The following ATG9B variants were observed in gnomAD, a reference collection of about 807,000 sequenced individuals.
ATG9B encodes the protein autophagy related 9B.
A neutral mutation model predicts 92.9 loss-of-function variants in ATG9B; 92 were observed. The observed-to-expected ratio is 0.99, with a 90% confidence interval of 0.84 to 1.18. The LOEUF (loss-of-function observed/expected upper bound fraction) is 1.18, where lower values mean the gene tolerates loss of function less well. Ranked by LOEUF, ATG9B falls within the 50% of genes most tolerant of loss-of-function variation. ATG9B has a pLI of 0.00. For missense variants in ATG9B, 1,344 were observed against 1,235.0 expected (o/e 1.09, Z -1.32); for synonymous variants, 599 against 551.4 (o/e 1.09, Z -1.21).
In ATG9B at chr7:151,021,315, G is replaced by A. The variant is rs756912700; in HGVS notation, c.836C>T (p.Pro279Leu). 107 of 1,609,516 alleles carry A rather than the reference G, an allele frequency of 6.6e-5. No individual in the cohort carries two copies. The highest frequency in any genetic ancestry group is 8.8e-5 in the Non-Finnish European group (104 of 1,177,672). Reference protein sequence around the residue: ...AQCAERIRSSPLLVLLLVLAA... With the variant: ...AQCAERIRSSLLLVLLLVLAA... ...CAGGACCAGGAGGAGGACCAGCAGC[G>A]GGCTGGAGCGGATCCTGTATGGGGT... The change falls in exon 5 of 14, where the codon CCG becomes CTG. Residue 279 changes from proline to leucine, a missense_variant. By Grantham distance (98) the Pro-to-Leu change is moderately conservative. Coordinates refer to ENST00000639579, the MANE Select transcript of ATG9B (RefSeq NM_001317056.2).
chr7:151,024,378 GC>G lies in ATG9B; in HGVS notation c.45del (p.Arg16GlyfsTer90). On this transcript the variant is annotated frameshift_variant, in exon 1 of 14. Transcript: ENST00000639579. LOFTEE classifies it high-confidence loss of function. ...GATCCGGGCCCCAGATCTCCCCACC[GC>G]CCCAGCCGCCTTCTTCTCCCCCCCC... ...MGWGGRRRRL[G>X]RWGDLGPGSV... 1 of 1,373,778 alleles carries G rather than the reference GC, an allele frequency of 7.3e-7. No homozygotes were observed. Among genetic ancestry groups the G allele is most frequent in the Admixed American group, 3.0e-5 (1 of 32,800 alleles). The allele number at this position is 1,373,778 out of a possible 1,614,324, so 85.1% of individuals were successfully genotyped here.
Position 151,023,792 on chromosome 7 carries a change from C to T in ATG9B, c.551-62G>A, listed in dbSNP as rs1795840607. The T allele has an allele frequency of 1.1e-5, 18 of 1,612,590 alleles. 1 individual carries two copies. The South Asian group carries it at 1.3e-4, about 12-fold the overall frequency. On this transcript the variant is annotated intron_variant, in intron 1 of 13. Transcript: ENST00000639579. ...TGATCAATTCTCCACGTTCTCAACC[C>T]GCTGCCAGAGGCCCAGCCTGGGATA...
In ATG9B at chr7:151,018,345, G is replaced by T. The variant is rs1326616364; in HGVS notation, c.1821C>A (p.Gly607=). 1 of 1,595,892 alleles carries T rather than the reference G, an allele frequency of 6.3e-7. No individual in the cohort carries two copies. The highest frequency in any genetic ancestry group is 1.3e-5 in the African/African-American group (1 of 74,384). The change falls in exon 7 of 14, where the codon GGC becomes GGA. Residue 607 remains glycine (G), a synonymous_variant. Transcript: ENST00000639579. This position sits in a 1 kb window ranked among gnomAD's most constrained non-coding sequence, Gnocchi z 4.7. ...MHYLPEEPGP[G]GRDRAYRQMA... Reference sequence around the variant, plus strand: ...TCTGCCGGTAGGCGCGGTCCCTGCCGCCGGGGCCGGGCTCCTCCGGGAGGT... The same window carrying T: ...TCTGCCGGTAGGCGCGGTCCCTGCCTCCGGGGCCGGGCTCCTCCGGGAGGT...
Position 151,018,758 on chromosome 7 carries a change from A to G in ATG9B, c.1580T>C (p.Leu527Pro). ...CGCGAAGAAAACGAGCTGGCGGGCC[A>G]GCAGCGTGCGCAGGGGCGCGGGGGG... Reference protein sequence around the residue: ...AAPPAPLRTLLARQLVFFAGA... With the variant: ...AAPPAPLRTLPARQLVFFAGA... The change falls in exon 6 of 14, where the codon CTG becomes CCG. Residue 527 changes from leucine to proline, a missense_variant. By Grantham distance (98) the Leu-to-Pro change is moderately conservative. Coordinates refer to ENST00000639579, the MANE Select transcript of ATG9B (RefSeq NM_001317056.2). The surrounding 1 kb of genome is among the most constrained non-coding windows in gnomAD (Gnocchi z 4.7). The G allele has an allele frequency of 3.3e-6, 5 of 1,533,854 alleles. No individual in the cohort carries two copies. The highest frequency in any genetic ancestry group is 4.4e-6 in the Non-Finnish European group (5 of 1,145,952).
rs1795854701 is a variant in ATG9B at position 151,024,000 on chromosome 7, C to T, written c.424G>A (p.Val142Ile). ...TCCTGTTCAGGGATCAAAGGGCCTA[C>T]CCGCAGCCCAGGAGAGTCCTGGGGG... ...QCPQDSPGLR[V>I]GPLIPEQDYE... Residue 142 changes from valine (V) to isoleucine (I), a missense_variant, in exon 1 of 14, where the codon GTA becomes ATA. Coordinates refer to ENST00000639579, the MANE Select transcript of ATG9B (RefSeq NM_001317056.2). 2 of 1,594,100 alleles carry T rather than the reference C, an allele frequency of 1.3e-6. No homozygotes were observed. The highest frequency in any genetic ancestry group is 1.7e-6 in the Non-Finnish European group (2 of 1,170,276).
chr7:151,016,006 T>A lies in ATG9B; in HGVS notation c.2665A>T (p.Ser889Cys). 1 of 1,551,626 alleles carries A rather than the reference T, an allele frequency of 6.4e-7. No homozygotes were observed. Among genetic ancestry groups the A allele is most frequent in the Non-Finnish European group, 8.7e-7 (1 of 1,146,960 alleles). The change falls in exon 13 of 14, where the codon AGC becomes TGC. Residue 889 changes from serine to cysteine, a missense_variant. Ser to Cys is a moderately radical substitution (Grantham distance 112, BLOSUM62 -1). Transcript: ENST00000639579. ...WSSDGSSPAS[S>C]PRQQWGTQKA... ...TGGGTTCCCCACTGTTGTCTGGGGCTAGAGGCAGGACTGGAGCCTGGTGAA... is the reference window on the plus strand; with the variant it reads ...TGGGTTCCCCACTGTTGTCTGGGGCAAGAGGCAGGACTGGAGCCTGGTGAA...
At position 151,018,298 on chromosome 7, in the gene ATG9B, C is replaced by G. The variant is rs1463213075; in HGVS notation, c.1868G>C (p.Arg623Pro). 2 of 1,554,254 alleles carry G rather than the reference C, an allele frequency of 1.3e-6. No homozygotes were observed. Among genetic ancestry groups the G allele is most frequent in the South Asian group, 2.4e-5 (2 of 81,952 alleles). The change falls in exon 7 of 14, where the codon CGA (arginine) becomes CCA (proline). Residue 623 changes from arginine (R) to proline (P), a missense_variant. Coordinates refer to ENST00000639579, the MANE Select transcript of ATG9B (RefSeq NM_001317056.2). The surrounding 1 kb of genome is among the most constrained non-coding windows in gnomAD (Gnocchi z 4.7). The stretch of plus-strand genomic sequence containing the variant: ...CGCCGTCGCGCCCACCCTCACCGCT[C>G]GGTACTGCAGCAGCTGCGCCATCTG... Reference protein sequence around the residue: ...YRQMAQLLQYRAVSLLEELLS... With the variant: ...YRQMAQLLQYPAVSLLEELLS...
intron 10 of ATG9B, 48 bp downstream of exon 10, chr7:151,016,640 A>C: frequency 6.5e-7 from 1 of 1,546,968 alleles, no homozygotes; most frequent in South Asian, 1.2e-5. Flanking sequence ...CTACAGGATC[A>C]GCCCACCCCC....
At chr7:151,013,402 T>C (rs1418579803), downstream of ATG9B, 5 of 1,601,802 alleles carry the variant, frequency 3.1e-6, no homozygotes, top group Admixed American at 1.7e-5. Context: ...GAGGGCGCAA[T>C]GGTAACCTGA....
At position 151,023,865 on chromosome 7, in the gene ATG9B, C is replaced by T. The variant is rs1299410225; in HGVS notation, c.550+9G>A. On this transcript the variant is annotated intron_variant, in intron 1 of 13. Coordinates refer to ENST00000639579, the MANE Select transcript of ATG9B (RefSeq NM_001317056.2). ...ACTAACCCTCTCCCACCCACACCCACACACATACCTCGGAGCCCTTCAGGG... is the reference window on the plus strand; with the variant it reads ...ACTAACCCTCTCCCACCCACACCCATACACATACCTCGGAGCCCTTCAGGG... 9.9e-6 allele frequency: 16 copies of T among 1,611,040 alleles called. No homozygotes were observed. Among genetic ancestry groups the T allele is most frequent in the Admixed American group, 3.3e-5 (2 of 59,794 alleles).
downstream of ATG9B, chr7:151,012,851 G>A: frequency 2.9e-6 from 1 of 341,562 alleles, no homozygotes; most frequent in South Asian, 4.6e-5. Flanking sequence ...GGTGCCCAGG[G>A]TGGTCTGTCA....
In ATG9B at chr7:151,024,306, A is replaced by C; in HGVS notation, c.118T>G (p.Cys40Gly). ...MPLPPPPPPSCRGPGGGRISI... is the reference protein window; with the variant it reads ...MPLPPPPPPSGRGPGGGRISI... ...ATCCTCCCTCCCCCAGGTCCCCGGC[A>C]TGAAGGAGGAGGAGGAGGTGGCAGT... Residue 40 changes from cysteine to glycine, a missense_variant, in exon 1 of 14, where the codon TGC (cysteine) becomes GGC (glycine). Transcript: ENST00000639579. The C allele has an allele frequency of 7.0e-7, 1 of 1,430,868 alleles. No homozygotes were observed. The allele number at this position is 1,430,868 out of a possible 1,614,324, so 88.6% of individuals were successfully genotyped here. A position where few individuals can be genotyped will look rare whatever the true frequency, so the allele number is the denominator to read the frequency against.
At chr7:151,012,667 C>A, downstream of ATG9B, 1 of 578,860 alleles carries the variant, frequency 1.7e-6, no homozygotes, top group South Asian at 2.3e-5. Context: ...CTTCCTGGTG[C>A]CTGGTACATA....
At chr7:151,013,296 C>A, downstream of ATG9B, 1 of 1,614,088 alleles carries the variant, frequency 6.2e-7, no homozygotes, top group Non-Finnish European at 8.5e-7. Flanking sequence ...CCATCTCTAC[C>A]GCGACGAGGT....
At position 151,018,294 on chromosome 7, in the gene ATG9B, C is replaced by G. The variant is rs755625460; in HGVS notation, c.1872G>C (p.Ala624=). The G allele has an allele frequency of 2.6e-6, 4 of 1,546,252 alleles. No individual in the cohort carries two copies. The highest frequency in any genetic ancestry group is 3.5e-6 in the Non-Finnish European group (4 of 1,156,118). Residue 624 remains alanine, a splice_region_variant and synonymous_variant, in exon 7 of 14, where the codon GCG becomes GCC. Coordinates refer to ENST00000639579, the MANE Select transcript of ATG9B (RefSeq NM_001317056.2). This position sits in a 1 kb window ranked among gnomAD's most constrained non-coding sequence, Gnocchi z 4.7. ...RQMAQLLQYR[A]VSLLEELLSP... The stretch of plus-strand genomic sequence containing the variant: ...AGCCCGCCGTCGCGCCCACCCTCAC[C>G]GCTCGGTACTGCAGCAGCTGCGCCA...
chr7:151,016,719 C>T lies in ATG9B; in HGVS notation c.2392G>A (p.Ala798Thr), dbSNP rs539505941. The T allele has an allele frequency of 8.1e-6, 13 of 1,608,852 alleles. 1 individual carries two copies. In the South Asian group the frequency reaches 1.4e-4, roughly 18 times the overall value. The change falls in exon 10 of 14, where the codon GCC (alanine) becomes ACC (threonine). Residue 798 changes from alanine to threonine, a missense_variant. Transcript: ENST00000639579. The part of the protein sequence containing the change: ...CPAAATASLL[A>T]SISRIAQDPS... Reference sequence around the variant, plus strand: ...TCCTGGGCAATTCGGGAAATGGAGGCAAGGAGGCTGGCTGTGGCCGCAGCT... The same window carrying T: ...TCCTGGGCAATTCGGGAAATGGAGGTAAGGAGGCTGGCTGTGGCCGCAGCT...
At chr7:151,016,944 C>A in intron 9 of ATG9B, 92 bp downstream of exon 9, 1 of 1,495,862 alleles carries the variant, frequency 6.7e-7, no homozygotes, top group Non-Finnish European at 9.0e-7. Flanking sequence ...GCTGGTGAGG[C>A]AGGTTACTAC....
At chr7:151,014,296 G>A (rs1795391759), downstream of ATG9B, 3 of 999,824 alleles carry the variant, frequency 3.0e-6, no homozygotes, top group Non-Finnish European at 4.3e-6. Flanking sequence ...GAGGCTGCAA[G>A]GATTCAGCAT....
chr7:151,018,384 C>G lies in ATG9B; in HGVS notation c.1782G>C (p.Leu594=). 1 of 1,590,496 alleles carries G rather than the reference C, an allele frequency of 6.3e-7. No individual in the cohort carries two copies. Among genetic ancestry groups the G allele is most frequent in the Non-Finnish European group, 8.5e-7 (1 of 1,170,508 alleles). ...RAPQLLLQTA[L]AHMHYLPEEP... The stretch of plus-strand genomic sequence containing the variant: ...CCTCCGGGAGGTAGTGCATGTGGGC[C>G]AGGGCTGTCTGCAGCAGGAGCTGCG... The change falls in exon 7 of 14, where the codon CTG becomes CTC. Residue 594 remains leucine (L), a synonymous_variant. Transcript: ENST00000639579. The surrounding 1 kb of genome is among the most constrained non-coding windows in gnomAD (Gnocchi z 4.7).
Sources: gnomAD v4.1 joint callset for allele counts on GRCh38, gnomAD v4.1.1 for gene constraint, Gnocchi (gnomAD v3.1) non-coding constraint, MANE v1.5 for transcripts, NCBI Gene and HGNC (gene_info 2026-07-23, HGNC 2026-07-21) for gene names.